The following ULK4 variants were observed in gnomAD, a reference collection of about 807,000 sequenced individuals.
ULK4 encodes inactive serine/threonine-protein kinase ULK4.
In ULK4, 133 loss-of-function variants were observed where a neutral mutation model predicts 160.6. The observed-to-expected ratio is 0.83, with a 90% CI of 0.72 to 0.96. ULK4 has a LOEUF of 0.96. ULK4 is among the 40% of genes least tolerant of loss of function. The pLI is 0.00. For missense variants in ULK4, 1,580 were observed against 1,499.5 expected, an observed-to-expected ratio of 1.05 and a Z score of -0.89; for synonymous variants, 534 against 539.8, an observed-to-expected ratio of 0.99 and a Z score of 0.15.
intron 22 of ULK4, among the ~76,000 whole-genome samples, chr3:41,720,798 C>T (rs149298564): frequency 5.3e-5 from 8 of 152,162 alleles, no homozygotes; most frequent in Middle Eastern, 3.4e-3. Context: ...GAAATGTAAT[C>T]GAGTATAAAT....
chr3:41,933,267 T>C (rs1286874194), intron 4 of ULK4, among the ~76,000 whole-genome samples: 2 of 152,176 alleles, frequency 1.3e-5, no homozygotes, highest in African/African-American at 4.8e-5. Context: ...CAGGTCAACC[T>C]AATGCTGCTG....
intron 22 of ULK4, among the ~76,000 whole-genome samples, chr3:41,743,693 C>G (rs914031994): frequency 7.9e-5 from 12 of 151,606 alleles, no homozygotes; most frequent in African/African-American, 2.9e-4. Flanking sequence ...TGAGAGGGAG[C>G]CTTGCTCTGT....
chr3:41,365,925 C>T (rs756999169), intron 35 of ULK4, among the ~76,000 whole-genome samples: 1 of 152,118 alleles, frequency 6.6e-6, no homozygotes, highest in Non-Finnish European at 1.5e-5. Flanking sequence ...AAATCAAATA[C>T]TCCAGATTGC....
chr3:41,768,923 T>C (rs749587125), intron 21 of ULK4, among the ~76,000 whole-genome samples: 1 of 152,170 alleles, frequency 6.6e-6, no homozygotes, highest in Admixed American at 6.5e-5. Flanking sequence ...CTTTTCAACT[T>C]ACAATAAGGT....
At chr3:41,807,156 TA>T (rs1371477586) in intron 19 of ULK4, among the ~76,000 whole-genome samples, 1 of 151,956 alleles carries the variant, frequency 6.6e-6, no homozygotes, top group Non-Finnish European at 1.5e-5. Flanking sequence ...ACAACACACA[TA>T]CATTAAATAT....
intron 35 of ULK4, among the ~76,000 whole-genome samples, chr3:41,388,296 T>G (rs1185438971): frequency 1.3e-5 from 2 of 152,066 alleles, no homozygotes; most frequent in African/African-American, 4.8e-5. Context: ...ATGAGTAGGT[T>G]GCGAAAATTT....
chr3:41,774,881 T>C (rs2039543523), intron 21 of ULK4, among the ~76,000 whole-genome samples: 1 of 150,500 alleles, frequency 6.6e-6, no homozygotes, highest in Admixed American at 6.6e-5. Context: ...CACCATGGAA[T>C]ACTATGCAGC....
At chr3:41,674,680 C>A (rs191794525) in intron 29 of ULK4, among the ~76,000 whole-genome samples, 1 of 152,256 alleles carries the variant, frequency 6.6e-6, no homozygotes, top group African/African-American at 2.4e-5. Flanking sequence ...CCAGTATCAC[C>A]AACTTAGTAA....
intron 30 of ULK4, among the ~76,000 whole-genome samples, chr3:41,634,217 T>C (rs995113704): frequency 6.6e-6 from 1 of 152,216 alleles, no homozygotes; most frequent in Non-Finnish European, 1.5e-5. Context: ...TTGCTTATAC[T>C]GGCAGATGTC....
In ULK4 at chr3:41,615,668, C is replaced by A; in HGVS notation, c.3120+1G>T. 1 of 1,612,772 alleles carries A rather than the reference C, an allele frequency of 6.2e-7. No individual in the cohort carries two copies. The highest frequency in any genetic ancestry group is 8.5e-7 in the Non-Finnish European group (1 of 1,179,422). On this transcript the variant is annotated splice_donor_variant, in intron 31 of 36. Coordinates refer to ENST00000301831, the MANE Select transcript of ULK4 (RefSeq NM_017886.4). LOFTEE classifies it high-confidence loss of function. Reference sequence around the variant, plus strand: ...TTTCAAATGCACATTTCCGTTCTTACCAGAGTTACTTCAAAAATGAGTGGG... The same window carrying A: ...TTTCAAATGCACATTTCCGTTCTTAACAGAGTTACTTCAAAAATGAGTGGG...
intron 32 of ULK4, among the ~76,000 whole-genome samples, chr3:41,506,862 T>A (rs1158582857): frequency 4.5e-4 from 64 of 141,616 alleles, no homozygotes; most frequent in African/African-American, 1.6e-3. Context: ...ACTGGTCTTT[T>A]CACCGGACAC....
intron 29 of ULK4, among the ~76,000 whole-genome samples, chr3:41,670,538 A>G (rs2035502688): frequency 6.6e-6 from 1 of 152,032 alleles, no homozygotes. Context: ...GTTGGGTGGG[A>G]AAACCTATAT....
chr3:41,570,783 C>T (rs962391455), intron 31 of ULK4, among the ~76,000 whole-genome samples: 2 of 152,114 alleles, frequency 1.3e-5, no homozygotes, highest in Non-Finnish European at 2.9e-5. Flanking sequence ...TCACCCTGGA[C>T]GCTAAGAACA....
intron 4 of ULK4, 79 bp downstream of exon 4, chr3:41,935,722 C>T (rs3934103): frequency 0.82 from 1,209,540 of 1,481,444 alleles, 497,495 homozygotes; most frequent in East Asian, 0.85. Context: ...AAATTTTATC[C>T]AAAAATAACA....
intron 21 of ULK4, among the ~76,000 whole-genome samples, chr3:41,779,982 T>TAAAA (rs1189259775): frequency 2.3e-5 from 1 of 43,906 alleles, no homozygotes; most frequent in African/African-American, 1.6e-4. Flanking sequence ...ACTTAGAGTA[T>TAAAA]AATAAAAAAA....
chr3:41,308,222 G>C (rs1053253107), intron 35 of ULK4, among the ~76,000 whole-genome samples: 3 of 152,060 alleles, frequency 2.0e-5, no homozygotes, highest in African/African-American at 7.2e-5. Flanking sequence ...ACATGTGCAT[G>C]CACATGTACA....
rs549436462 is a variant in ULK4 at position 41,787,768 on chromosome 3, T to G, written c.2193+1893A>C. ...AAAAACTTTTTTAATGTACCAATAC[T>G]AATCAAAAGTAAAAGACTGTTTATC... On this transcript the variant is annotated intron_variant, in intron 21 of 36. Coordinates refer to ENST00000301831, the MANE Select transcript of ULK4 (RefSeq NM_017886.4). 2.0e-5 allele frequency among the ~76,000 whole-genome samples: 3 copies of G among 152,318 alleles called. No homozygotes were observed. In the South Asian group the frequency reaches 6.2e-4, roughly 32 times the overall value.
At chr3:41,388,517 G>T (rs1395681860) in intron 35 of ULK4, among the ~76,000 whole-genome samples, 12 of 152,090 alleles carry the variant, frequency 7.9e-5, no homozygotes, top group East Asian at 1.9e-4. Context: ...GGTCTAACGT[G>T]TAAGTCTTTA....
chr3:41,454,227 G>A (rs2083488168), intron 34 of ULK4, among the ~76,000 whole-genome samples: 1 of 148,060 alleles, frequency 6.8e-6, no homozygotes, highest in African/African-American at 2.5e-5. Context: ...AGGGCAACTA[G>A]ATGTTCTTAA....
Sources: allele counts gnomAD v4.1 joint callset (sites outside exome capture counted in the v4.1 genomes callset), GRCh38; gene constraint gnomAD v4.1.1; transcripts MANE v1.5; gene names NCBI Gene and HGNC (gene_info 2026-07-23, HGNC 2026-07-21).